The following ETFDH variants were observed in gnomAD, a reference collection of about 807,000 sequenced individuals.
The protein encoded by ETFDH is electron transfer flavoprotein-ubiquinone oxidoreductase, mitochondrial.
In ETFDH, 61 loss-of-function variants were observed where a neutral mutation model predicts 73.2. The ratio of observed to expected loss-of-function variants is 0.83; its 90% CI spans 0.68 to 1.03. The LOEUF (loss-of-function observed/expected upper bound fraction) is 1.03, where lower values mean the gene tolerates loss of function less well. Among genes scored for constraint, ETFDH ranks in the 50% least tolerant of loss-of-function variants. ETFDH has a pLI of 0.00. For missense variants in ETFDH, 685 were observed against 745.0 expected (o/e 0.92, Z 0.94); for synonymous variants, 243 against 253.3 (o/e 0.96, Z 0.39).
At chr4:158,687,896 C>T (rs1166845090) in intron 5 of ETFDH, among the ~76,000 whole-genome samples, 5 of 150,594 alleles carry the variant, frequency 3.3e-5, no homozygotes, top group East Asian at 2.0e-4. Context: ...AAAAATTAGC[C>T]GGGCATGGCG....
In ETFDH at chr4:158,672,639, G is replaced by A. The variant is rs537840983; in HGVS notation, c.34+149G>A. ...AAGGTCACGCGCTGTCAGCCTGTTG[G>A]GGGACCCTGGCTTCCTCCCTCTGGG... On this transcript the variant is annotated intron_variant, in intron 1 of 12. Transcript: ENST00000511912. 1.9e-5 allele frequency: 15 copies of A among 808,468 alleles called. No homozygotes were observed. In the African/African-American group the frequency reaches 2.5e-4, roughly 14 times the overall value. 50.1% of individuals were successfully genotyped at this position (808,468 alleles called of 1,614,324 possible). A position where few individuals can be genotyped will look rare whatever the true frequency, so the allele number is the denominator to read the frequency against.
chr4:158,673,909 T>C (rs78051411), intron 1 of ETFDH, among the ~76,000 whole-genome samples: 1,776 of 152,318 alleles, frequency 0.012, 27 homozygotes, highest in African/African-American at 0.038. Context: ...ACTTTGTGAC[T>C]TCTCTTCTCA....
chr4:158,698,452 TA>T (rs1774368729), intron 8 of ETFDH, among the ~76,000 whole-genome samples: 2 of 152,232 alleles, frequency 1.3e-5, no homozygotes, highest in South Asian at 4.1e-4. Flanking sequence ...TTATAAAATA[TA>T]ACCTTCTATA....
chr4:158,682,250 C>T lies in ETFDH; in HGVS notation c.231C>T (p.Gly77=). 1 of 1,614,112 alleles carries T rather than the reference C, an allele frequency of 6.2e-7. No homozygotes were observed. Among genetic ancestry groups the T allele is most frequent in the Non-Finnish European group, 8.5e-7 (1 of 1,179,990 alleles). Residue 77 remains glycine, a synonymous_variant, in exon 3 of 13, where the codon GGC becomes GGT. Coordinates refer to ENST00000511912, the MANE Select transcript of ETFDH (RefSeq NM_004453.4). The stretch of plus-strand genomic sequence containing the variant: ...CAGATGTTGTAATAGTTGGTGCAGG[C>T]CCTGCAGGGCTCTCTGCAGCTGTTC... ...EEADVVIVGA[G]PAGLSAAVRL... is the part of the protein sequence containing the mutation.
chr4:158,700,697 A>G (rs1325106447), intron 9 of ETFDH: 1 of 152,126 alleles, frequency 6.6e-6, no homozygotes, highest in Non-Finnish European at 1.5e-5. Flanking sequence ...AACAAAGACT[A>G]TACTTTCAGG....
intron 7 of ETFDH, among the ~76,000 whole-genome samples, chr4:158,696,576 G>A (rs953772030): frequency 3.9e-5 from 6 of 151,924 alleles, no homozygotes. Context: ...AAGGTTCAAA[G>A]TCTATATAAA....
At position 158,682,209 on chromosome 4, in the gene ETFDH, A is replaced by T; in HGVS notation, c.190A>T (p.Arg64Trp). 2 of 1,614,090 alleles carry T rather than the reference A, an allele frequency of 1.2e-6. No homozygotes were observed. Among genetic ancestry groups the T allele is most frequent in the Non-Finnish European group, 1.7e-6 (2 of 1,179,932 alleles). The change falls in exon 3 of 13, where the codon AGG (arginine) becomes TGG (tryptophan). Residue 64 changes from arginine (R) to tryptophan (W), a missense_variant. Physicochemically the swap from Arg to Trp is moderately radical, Grantham distance 101. Transcript: ENST00000511912. ...DKRWEGVNME[R>W]FAEEADVVIV... The stretch of plus-strand genomic sequence containing the variant: ...ATTTCTCCCAGGAGTGAACATGGAA[A>T]GGTTTGCAGAAGAAGCAGATGTTGT...
chr4:158,706,543 T>C (rs1774623369), intron 11 of ETFDH, 86 bp from the exon 12 acceptor site: 1 of 1,206,042 alleles, frequency 8.3e-7, no homozygotes, highest in Non-Finnish European at 1.2e-6. Flanking sequence ...GGTGTGATAA[T>C]ATTTTGAAGT....
intron 5 of ETFDH, among the ~76,000 whole-genome samples, chr4:158,687,859 T>C (rs1028035193): frequency 6.6e-6 from 1 of 151,190 alleles, no homozygotes; most frequent in Non-Finnish European, 1.5e-5. Context: ...GATAACATGG[T>C]GAAACCCCGT....
intron 1 of ETFDH, among the ~76,000 whole-genome samples, chr4:158,678,082 G>A (rs1773756009): frequency 6.6e-6 from 1 of 152,154 alleles, no homozygotes; most frequent in Non-Finnish European, 1.5e-5. Flanking sequence ...GTTCCCATAT[G>A]CCCTTTGCGG....
chr4:158,685,623 T>G (rs952548656), intron 5 of ETFDH, among the ~76,000 whole-genome samples: 2 of 152,166 alleles, frequency 1.3e-5, no homozygotes, highest in Non-Finnish European at 2.9e-5. Context: ...TTTCCCAGTA[T>G]AGGGGTGGTA....
chr4:158,682,797 AG>A (rs1260201984), intron 3 of ETFDH, among the ~76,000 whole-genome samples: 2 of 152,134 alleles, frequency 1.3e-5, no homozygotes, highest in Admixed American at 1.3e-4. Context: ...GGCCTCCCAA[AG>A]CACTGGGATT....
chr4:158,692,146 C>T (rs931267248), intron 6 of ETFDH, among the ~76,000 whole-genome samples: 5 of 152,120 alleles, frequency 3.3e-5, no homozygotes, highest in African/African-American at 4.8e-5. Context: ...GTAATCCCAG[C>T]ACTTTGGGAG....
intron 1 of ETFDH, among the ~76,000 whole-genome samples, chr4:158,677,553 G>T (rs756578392): frequency 3.9e-5 from 6 of 152,202 alleles, no homozygotes; most frequent in Non-Finnish European, 8.8e-5. Flanking sequence ...CCTCACAAGA[G>T]ACAGCTTTGC....
At chr4:158,698,106 A>C (rs1008892961) in intron 8 of ETFDH, among the ~76,000 whole-genome samples, 1 of 152,216 alleles carries the variant, frequency 6.6e-6, no homozygotes, top group Non-Finnish European at 1.5e-5. Flanking sequence ...GCATGCTACC[A>C]CTGAAAATGA....
At chr4:158,700,391 A>G (rs187702419) in intron 9 of ETFDH, among the ~76,000 whole-genome samples, 1 of 152,182 alleles carries the variant, frequency 6.6e-6, no homozygotes, top group Non-Finnish European at 1.5e-5. Flanking sequence ...AATAATGTCC[A>G]TAATAGTTAC....
intron 6 of ETFDH, among the ~76,000 whole-genome samples, chr4:158,692,349 G>A (rs1425547104): frequency 6.8e-6 from 1 of 146,648 alleles, no homozygotes; most frequent in Admixed American, 7.0e-5. Flanking sequence ...GCAGTGAGCC[G>A]AGATCACACC....
At chr4:158,705,857 T>C (rs1774595474) in intron 10 of ETFDH, among the ~76,000 whole-genome samples, 1 of 152,134 alleles carries the variant, frequency 6.6e-6, no homozygotes, top group Admixed American at 6.5e-5. Context: ...GAGGCGGGCA[T>C]ATCACTTGAG....
chr4:158,698,987 G>T lies in ETFDH; in HGVS notation c.973G>T (p.Val325Phe), dbSNP rs549454407. Reference sequence around the variant, plus strand: ...TTAAATATAAGTGTAAATTTTTAAGGTTGGTCTAGACTATCAGAATCCATA... The same window carrying T: ...TTAAATATAAGTGTAAATTTTTAAGTTTGGTCTAGACTATCAGAATCCATA... ...GEPLVALGLV[V>F]GLDYQNPYLS... Residue 325 changes from valine (V) to phenylalanine (F), a missense_variant and splice_region_variant, in exon 9 of 13, where the codon GTT becomes TTT. By Grantham distance (50) the Val-to-Phe change is conservative. Coordinates refer to ENST00000511912, the MANE Select transcript of ETFDH (RefSeq NM_004453.4). 2.3e-5 allele frequency: 36 copies of T among 1,588,978 alleles called. No individual in the cohort carries two copies. Among genetic ancestry groups the T allele is most frequent in the Non-Finnish European group, 2.8e-5 (32 of 1,158,658 alleles).
Sources: allele counts gnomAD v4.1 joint callset (sites outside exome capture counted in the v4.1 genomes callset), GRCh38; gene constraint gnomAD v4.1.1; transcripts MANE v1.5; gene names NCBI Gene and HGNC (gene_info 2026-07-23, HGNC 2026-07-21).